MYH15: variants seen among roughly 807,000 people sequenced by gnomAD.
MYH15 encodes myosin heavy chain 15.
In MYH15, 227 loss-of-function variants were observed where a neutral mutation model predicts 240.5. The ratio of observed to expected loss-of-function variants is 0.94; its 90% CI spans 0.85 to 1.05. MYH15 has a LOEUF of 1.05. MYH15 is among the 50% of genes least tolerant of loss of function. The pLI, the probability that MYH15 is intolerant of heterozygous loss-of-function variation, is 0.00. For missense variants in MYH15, 2,217 were observed against 2,247.5 expected (o/e 0.99, Z 0.27); for synonymous variants, 785 against 796.7 (o/e 0.99, Z 0.25).
chr3:108,385,055 A>G (rs963533806), intron 38 of MYH15, among the ~76,000 whole-genome samples: 1 of 152,160 alleles, frequency 6.6e-6, no homozygotes, highest in African/African-American at 2.4e-5. Context: ...TTCCAGCTCA[A>G]CCAAGCTATA....
At position 108,391,650 on chromosome 3, in the gene MYH15, A is replaced by C. The variant is rs1000376849; in HGVS notation, c.5430+110T>G. The C allele has an allele frequency of 3.5e-5, 41 of 1,186,366 alleles. No individual in the cohort carries two copies. In the African/African-American group the frequency reaches 5.6e-4, roughly 16 times the overall value. The allele number at this position is 1,186,366 out of a possible 1,614,324, so 73.5% of individuals were successfully genotyped here. ...TTAAATATCTGAAAGTACTAAAAGC[A>C]AAAGTGATAAAGGGTATGTGTGTTG... On this transcript the variant is annotated intron_variant, in intron 37 of 40. Transcript: ENST00000693548.
At chr3:108,415,307 TTTAG>T (rs2082624630) in intron 29 of MYH15, among the ~76,000 whole-genome samples, 3 of 152,062 alleles carry the variant, frequency 2.0e-5, no homozygotes, top group Admixed American at 2.0e-4. Context: ...GGGCACAAGG[TTTAG>T]TTAATGGCAG....
chr3:108,438,273 C>T (rs1239529985), intron 24 of MYH15, among the ~76,000 whole-genome samples: 3 of 152,192 alleles, frequency 2.0e-5, no homozygotes, highest in African/African-American at 7.2e-5. Flanking sequence ...CAGTTCATAA[C>T]ATTATGTCAT....
At chr3:108,510,207 G>C (rs1429311839) in intron 1 of MYH15, among the ~76,000 whole-genome samples, 1 of 152,166 alleles carries the variant, frequency 6.6e-6, no homozygotes, top group Non-Finnish European at 1.5e-5. Context: ...TTAGGATCAA[G>C]TGTGTAGGGC....
intron 1 of MYH15, among the ~76,000 whole-genome samples, chr3:108,520,834 G>A (rs1406250858): frequency 6.6e-6 from 1 of 151,988 alleles, no homozygotes; most frequent in Non-Finnish European, 1.5e-5. Context: ...TATTTATTTA[G>A]GCTATTCTGA....
chr3:108,442,106 A>T (rs2082889394), intron 22 of MYH15, among the ~76,000 whole-genome samples: 1 of 152,220 alleles, frequency 6.6e-6, no homozygotes, highest in African/African-American at 2.4e-5. Flanking sequence ...GCTGTAATAT[A>T]ACTTTACATA....
chr3:108,465,435 C>T (rs2083106532), intron 14 of MYH15, among the ~76,000 whole-genome samples: 1 of 152,144 alleles, frequency 6.6e-6, no homozygotes, highest in South Asian at 2.1e-4. Flanking sequence ...AGCTCAAAGG[C>T]CTTATAGGCT....
chr3:108,428,854 G>A lies in MYH15; in HGVS notation c.3340C>T (p.Leu1114=). 2 of 1,609,736 alleles carry A rather than the reference G, an allele frequency of 1.2e-6. No homozygotes were observed. Among genetic ancestry groups the A allele is most frequent in the Middle Eastern group, 1.7e-4 (1 of 6,032 alleles). Residue 1114 remains leucine (L), a synonymous_variant, in exon 27 of 41, where the codon CTA becomes TTA. Transcript: ENST00000693548. ...GCTCGAGTGGTCCTTTCAGCTTCTA[G>A]TTTCTCTTTCAAATCCTTTATTTGA... The part of the protein sequence containing the change: ...QTQIKDLKEK[L]EAERTTRAKM...
intron 33 of MYH15, among the ~76,000 whole-genome samples, chr3:108,400,488 T>C (rs1301904391): frequency 6.6e-6 from 1 of 152,140 alleles, no homozygotes; most frequent in African/African-American, 2.4e-5. Context: ...GATTCCATGT[T>C]GAATTGTCAT....
intron 9 of MYH15, among the ~76,000 whole-genome samples, chr3:108,487,790 A>G (rs532277142): frequency 6.6e-6 from 1 of 152,250 alleles, no homozygotes. Flanking sequence ...AAACACGTGC[A>G]GTGTACTTTA....
intron 33 of MYH15, 142 bp downstream of exon 33, chr3:108,405,196 A>G: frequency 4.5e-6 from 2 of 441,020 alleles, no homozygotes; most frequent in Non-Finnish European, 8.3e-6. Flanking sequence ...TATTGTATAT[A>G]AAAGAAAATA....
At chr3:108,459,038 T>C (rs2083048585) in intron 18 of MYH15, among the ~76,000 whole-genome samples, 1 of 152,160 alleles carries the variant, frequency 6.6e-6, no homozygotes, top group African/African-American at 2.4e-5. Flanking sequence ...TTCAATTCCA[T>C]TTTTATTATA....
At chr3:108,475,282 G>T (rs943922301) in intron 12 of MYH15, among the ~76,000 whole-genome samples, 19 of 152,122 alleles carry the variant, frequency 1.2e-4, no homozygotes, top group African/African-American at 4.6e-4. Flanking sequence ...CTTTGACTCA[G>T]TTTCCTCAAC....
rs762512995 is a variant in MYH15, at chr3:108,410,764, C to T, written c.4314G>A (p.Gln1438=). 6.2e-7 allele frequency: 1 copy of T among 1,614,164 alleles called. No homozygotes were observed. The highest frequency in any genetic ancestry group is 2.2e-5 in the East Asian group (1 of 44,892). ...CGGCAAGGGCCTTGCCAGACTGCAG[C>T]TGCTTCTGGTCCAGCCTGGCTGCTG... ...RSAAARLDQK[Q]LQSGKALADW... is the part of the protein sequence containing the mutation. The change falls in exon 31 of 41, where the codon CAG becomes CAA. Residue 1438 remains glutamine, a synonymous_variant. Transcript: ENST00000693548.
chr3:108,416,989 A>G, intron 28 of MYH15, 59 bp from the exon 29 acceptor site: 1 of 1,304,600 alleles, frequency 7.7e-7, no homozygotes, highest in Admixed American at 1.7e-5. Flanking sequence ...TGCCTCCTTC[A>G]CTTGACTTAC....
At position 108,500,190 on chromosome 3, in the gene MYH15, C is replaced by T. The variant is rs1560432598; in HGVS notation, c.424G>A (p.Gly142Arg). 2 of 1,614,074 alleles carry T rather than the reference C, an allele frequency of 1.2e-6. No individual in the cohort carries two copies. The highest frequency in any genetic ancestry group is 1.7e-6 in the Non-Finnish European group (2 of 1,179,968). The change falls in exon 4 of 41, where the codon GGG (glycine) becomes AGG (arginine). Residue 142 changes from glycine to arginine, a missense_variant. Transcript: ENST00000693548. ...YQKEVMAAYK[G>R]KRRSEAPPHI... ...GGGGGAGCCTCTGATCGCCTCTTCC[C>T]TTTGTAGGCGGCCATGACTTCTTTC...
intron 11 of MYH15, among the ~76,000 whole-genome samples, chr3:108,483,416 TA>T (rs71299348): frequency 0.22 from 31,051 of 142,252 alleles, 4,124 homozygotes; most frequent in Non-Finnish European, 0.31. Context: ...ATGGCTACTA[TA>T]AAAAAAAAAA....
intron 29 of MYH15, among the ~76,000 whole-genome samples, chr3:108,416,233 T>C (rs1043706478): frequency 3.3e-5 from 5 of 152,216 alleles, no homozygotes; most frequent in South Asian, 2.1e-4. Flanking sequence ...CTTCATAGTA[T>C]GGTCATGTAC....
chr3:108,459,532 T>A, intron 17 of MYH15, 83 bp from the exon 18 acceptor site: 1 of 756,448 alleles, frequency 1.3e-6, no homozygotes, highest in Non-Finnish European at 2.2e-6. Context: ...TCTCCAAATC[T>A]ATCAACTTAA....
Sources: allele counts gnomAD v4.1 joint callset (sites outside exome capture counted in the v4.1 genomes callset), GRCh38; gene constraint gnomAD v4.1.1; transcripts MANE v1.5; gene names NCBI Gene and HGNC (gene_info 2026-07-23, HGNC 2026-07-21).